NPIPA7: variants seen among roughly 807,000 people sequenced by gnomAD.
The protein encoded by NPIPA7 is nuclear pore complex interacting protein family member A7.
intron 2 of NPIPA7, among the ~76,000 whole-genome samples, chr16:16,386,210 G>A (rs1195801841): frequency 2.7e-5 from 3 of 112,916 alleles, no homozygotes; most frequent in Non-Finnish European, 3.7e-5. Flanking sequence ...AAGCTGATGT[G>A]AGGGAAGGGA....
At chr16:16,382,088 A>G (rs906235388) in intron 1 of NPIPA7, among the ~76,000 whole-genome samples, 3 of 106,300 alleles carry the variant, frequency 2.8e-5, no homozygotes, top group African/African-American at 1.3e-4. Flanking sequence ...TTATTTGTGA[A>G]TGAAGTAATC....
chr16:16,386,327 T>C (rs2050125067), intron 2 of NPIPA7, among the ~76,000 whole-genome samples: 1 of 142,254 alleles, frequency 7.0e-6, no homozygotes, highest in Admixed American at 7.0e-5. Flanking sequence ...GAGCTGAAGG[T>C]AATTACTTCC....
At chr16:16,386,988 A>G (rs983696053) in intron 2 of NPIPA7, among the ~76,000 whole-genome samples, 1 of 145,444 alleles carries the variant, frequency 6.9e-6, no homozygotes, top group Non-Finnish European at 1.5e-5. Flanking sequence ...ACCTCAGGTG[A>G]TCCGCCTGCC....
At chr16:16,386,760 T>G (rs1235148302) in intron 2 of NPIPA7, among the ~76,000 whole-genome samples, 1 of 135,982 alleles carries the variant, frequency 7.4e-6, no homozygotes. Flanking sequence ...TTTTTTTTTT[T>G]TTTTTTGAGA....
intron 2 of NPIPA7, among the ~76,000 whole-genome samples, chr16:16,386,447 ATTTTTT>A (rs1197508092): frequency 3.3e-5 from 1 of 30,448 alleles, no homozygotes; most frequent in African/African-American, 1.4e-4. Context: ...TATTCATGTC[ATTTTTT>A]TTTTTTTTTT....
chr16:16,386,469 GAGAC>G, intron 2 of NPIPA7, among the ~76,000 whole-genome samples: 1 of 24,430 alleles, frequency 4.1e-5, no homozygotes, highest in South Asian at 1.8e-3. Context: ...TTTTTTTTTT[GAGAC>G]AGAGTCTCAC....
chr16:16,387,162 G>A (rs1470569502), intron 2 of NPIPA7, among the ~76,000 whole-genome samples: 210 of 128,720 alleles, frequency 1.6e-3, no homozygotes, highest in Middle Eastern at 8.5e-3. Context: ...TGCAAACTCC[G>A]CCTCCCAGCT....
rs1435157995 is a variant in NPIPA7, at chr16:16,386,679, A to C, written c.193-720A>C. ...TGCCCAGGATGATCTCCATCTCTTG[A>C]CCTTGTGATTCACCCGCCTCGGCCT... is the stretch of plus-strand genomic sequence containing the variant. On this transcript the variant is annotated intron_variant, in intron 2 of 7. Coordinates refer to ENST00000530217, the Ensembl canonical transcript of NPIPA7. 1.6e-5 allele frequency among the ~76,000 whole-genome samples: 2 copies of C among 122,580 alleles called. 1 individual carries two copies. The highest frequency in any genetic ancestry group is 3.6e-5 in the Non-Finnish European group (2 of 56,230). 80.4% of individuals were successfully genotyped at this position (122,580 alleles called of 152,430 possible). A position where few individuals can be genotyped will look rare whatever the true frequency, so the allele number is the denominator to read the frequency against.
chr16:16,386,317 G>C (rs2050124794), intron 2 of NPIPA7, among the ~76,000 whole-genome samples: 1 of 141,810 alleles, frequency 7.1e-6, no homozygotes, highest in Non-Finnish European at 1.5e-5. Flanking sequence ...AGAACTCAGA[G>C]AGCTGAAGGT....
chr16:16,386,752 T>A (rs2050148468), intron 2 of NPIPA7, among the ~76,000 whole-genome samples: 1 of 134,628 alleles, frequency 7.4e-6, no homozygotes, highest in Admixed American at 7.6e-5. Flanking sequence ...CTGGCCTATT[T>A]TTTTTTTTTT....
chr16:16,387,060 TTGTGTGTGTGTGTGTG>T (rs374685325), intron 2 of NPIPA7, among the ~76,000 whole-genome samples: 1 of 101,450 alleles, frequency 9.9e-6, no homozygotes, highest in African/African-American at 3.5e-5. Flanking sequence ...ATGTCATTCT[TTGTGTGTGTGTGTGTG>T]TGTGTGTGTG....
At chr16:16,385,957 G>A (rs1193037327) in intron 2 of NPIPA7, among the ~76,000 whole-genome samples, 17 of 12,000 alleles carry the variant, frequency 1.4e-3, no homozygotes, top group Middle Eastern at 0.014. Context: ...TAGTGCCACT[G>A]CACTTCAGCA....
chr16:16,387,060 T>TTGTG (rs374685325), intron 2 of NPIPA7, among the ~76,000 whole-genome samples: 1 of 101,522 alleles, frequency 9.9e-6, no homozygotes. Flanking sequence ...ATGTCATTCT[T>TTGTG]TGTGTGTGTG....
rs1403871851 is a variant in NPIPA7, at chr16:16,386,403, C to T, written c.193-996C>T. Among the ~76,000 whole-genome samples, 215 of 134,834 alleles carry T rather than the reference C, an allele frequency of 1.6e-3. 13 individuals are homozygous for T. The highest frequency in any genetic ancestry group is 5.7e-3 in the African/African-American group (201 of 35,520). The allele number at this position is 134,834 out of a possible 152,430, so 88.5% of individuals were successfully genotyped here. On this transcript the variant is annotated intron_variant, in intron 2 of 7. Coordinates refer to ENST00000530217, the Ensembl canonical transcript of NPIPA7. ...TACAAGATGATAATTACCATCTAAC[C>T]GTGTTGAAGTGTACAGTTCAGTTGT...
At chr16:16,387,003 C>T (rs1325303956) in intron 2 of NPIPA7, among the ~76,000 whole-genome samples, 2 of 145,532 alleles carry the variant, frequency 1.4e-5, no homozygotes, top group African/African-American at 2.5e-5. Flanking sequence ...CCTGCCTCGG[C>T]CTCCCAAAGT....
chr16:16,386,638 C>T (rs201856325), intron 2 of NPIPA7, among the ~76,000 whole-genome samples: 33,769 of 104,056 alleles, frequency 0.32, 3,387 homozygotes, highest in Admixed American at 0.46. Flanking sequence ...TTAGTAGAGA[C>T]GGGGTTTCAC....
intron 2 of NPIPA7, among the ~76,000 whole-genome samples, chr16:16,386,757 T>C (rs1273873419): frequency 7.4e-6 from 1 of 134,910 alleles, no homozygotes; most frequent in Non-Finnish European, 1.6e-5. Context: ...CTATTTTTTT[T>C]TTTTTTTTTG....
At chr16:16,388,351 G>A (rs868699832) in intron 4 of NPIPA7, among the ~76,000 whole-genome samples, 1,334 of 26,174 alleles carry the variant, frequency 0.051, 78 homozygotes, top group Middle Eastern at 0.14. Context: ...CCAGCACCCA[G>A]CCTTTTTTTT....
intron 2 of NPIPA7, among the ~76,000 whole-genome samples, chr16:16,386,455 T>C (rs1248462802): frequency 1.6e-5 from 1 of 62,182 alleles, no homozygotes; most frequent in East Asian, 5.4e-4. Flanking sequence ...TCATTTTTTT[T>C]TTTTTTTTTT....
Sources: gnomAD v4.1 joint callset for allele counts (sites outside exome capture counted in the v4.1 genomes callset) on GRCh38, gnomAD v4.1.1 for gene constraint, MANE v1.5 for transcripts, NCBI Gene and HGNC (gene_info 2026-07-23, HGNC 2026-07-21) for gene names.